ROR1: variants seen among roughly 807,000 people sequenced by gnomAD.
The protein encoded by ROR1 is inactive tyrosine-protein kinase transmembrane receptor ROR1.
ROR1 carries 19 observed loss-of-function variants against 78.8 expected under a neutral mutation model. The ratio of observed to expected loss-of-function variants is 0.24; its 90% confidence interval spans 0.17 to 0.35. The LOEUF (loss-of-function observed/expected upper bound fraction) is 0.35, where lower values mean the gene tolerates loss of function less well. ROR1 is among the 10% of genes least tolerant of loss of function. The probability of loss-of-function intolerance (pLI) is 1.00; values close to 1 mark genes in which losing one functional copy is unlikely to be tolerated. For missense variants in ROR1, 917 were observed against 1,177.8 expected, an observed-to-expected ratio of 0.78 and a Z score of 3.24; for synonymous variants, 386 against 433.6, an observed-to-expected ratio of 0.89 and a Z score of 1.36.
At chr1:64,160,058 G>C (rs1557679387) in intron 8 of ROR1, among the ~76,000 whole-genome samples, 4 of 150,844 alleles carry the variant, frequency 2.7e-5, no homozygotes, top group African/African-American at 9.7e-5. Context: ...CTAACAGCCT[G>C]TTTTTTTTTC....
chr1:63,966,978 G>T (rs923805716), intron 1 of ROR1, among the ~76,000 whole-genome samples: 1 of 152,156 alleles, frequency 6.6e-6, no homozygotes, highest in African/African-American at 2.4e-5. Context: ...GTTAGGTGCT[G>T]CCTCATCAGA....
At chr1:64,069,516 A>ATGTG (rs143372488) in intron 4 of ROR1, among the ~76,000 whole-genome samples, 3,892 of 150,400 alleles carry the variant, frequency 0.026, 138 homozygotes, top group African/African-American at 0.082. Context: ...CTTGGGTTAA[A>ATGTG]TGTGTGTGTG....
At chr1:64,067,444 C>CAAA (rs58105318) in intron 4 of ROR1, among the ~76,000 whole-genome samples, 10,341 of 57,248 alleles carry the variant, frequency 0.18, 1,304 homozygotes, top group Middle Eastern at 0.22. Context: ...GCCTCCGTCT[C>CAAA]AAAAAAAAAA....
At chr1:64,027,498 A>T (rs1376676075) in intron 2 of ROR1, among the ~76,000 whole-genome samples, 1 of 152,144 alleles carries the variant, frequency 6.6e-6, no homozygotes, top group Non-Finnish European at 1.5e-5. Context: ...TTTACCATTC[A>T]CTTGCATCTC....
intron 1 of ROR1, among the ~76,000 whole-genome samples, chr1:63,948,201 A>C (rs1423947741): frequency 6.6e-6 from 1 of 152,156 alleles, no homozygotes; most frequent in African/African-American, 2.4e-5. Context: ...AAACAATGAA[A>C]AGAAATTATC....
chr1:63,813,961 CT>C (rs1644875037), intron 1 of ROR1, among the ~76,000 whole-genome samples: 1 of 152,200 alleles, frequency 6.6e-6, no homozygotes, highest in South Asian at 2.1e-4. Flanking sequence ...ATTTTTTCCC[CT>C]ATCTGCTTCT....
intron 1 of ROR1, among the ~76,000 whole-genome samples, chr1:63,885,106 A>T (rs1462965616): frequency 6.6e-6 from 1 of 152,214 alleles, no homozygotes; most frequent in African/African-American, 2.4e-5. Flanking sequence ...TTAAAAGTGT[A>T]TTGGCATATA....
intron 1 of ROR1, chr1:63,789,125 C>T: frequency 1.6e-6 from 1 of 611,426 alleles, no homozygotes; most frequent in Non-Finnish European, 3.2e-6. Context: ...GGCATCGAGC[C>T]TGGGAATGGA....
intron 4 of ROR1, among the ~76,000 whole-genome samples, chr1:64,079,145 A>G (rs990235806): frequency 3.9e-5 from 6 of 152,202 alleles, no homozygotes; most frequent in African/African-American, 1.4e-4. Context: ...ACGAGGTCCA[A>G]CAAGTGGTCA....
intron 1 of ROR1, among the ~76,000 whole-genome samples, chr1:63,937,212 A>G (rs1414658184): frequency 6.6e-6 from 1 of 152,140 alleles, no homozygotes; most frequent in Non-Finnish European, 1.5e-5. Context: ...GTTTAGCACA[A>G]TGCTTTGCAC....
intron 4 of ROR1, 54 bp from the exon 5 acceptor site, chr1:64,137,315 G>A: frequency 6.2e-7 from 1 of 1,603,898 alleles, no homozygotes; most frequent in South Asian, 1.1e-5. Context: ...AGAGCTTGCT[G>A]TGCCCTGTAT....
chr1:63,997,695 G>T (rs1557601296), intron 1 of ROR1, among the ~76,000 whole-genome samples: 1 of 152,024 alleles, frequency 6.6e-6, no homozygotes, highest in Admixed American at 6.6e-5. Flanking sequence ...ACTCACCTAG[G>T]GAGATTCAAT....
At chr1:63,848,571 C>T (rs1569813006) in intron 1 of ROR1, among the ~76,000 whole-genome samples, 1 of 152,008 alleles carries the variant, frequency 6.6e-6, no homozygotes, top group Non-Finnish European at 1.5e-5. Flanking sequence ...ATAGTGGAGG[C>T]CTGTGGTACT....
chr1:63,914,076 T>TGTTTTC (rs1184135109), intron 1 of ROR1, among the ~76,000 whole-genome samples: 1 of 7,886 alleles, frequency 1.3e-4, no homozygotes, highest in Non-Finnish European at 1.2e-3. Flanking sequence ...GCCGCATTAG[T>TGTTTTC]GTTTTTGTTT....
At chr1:63,985,892 A>G (rs1268656233) in intron 1 of ROR1, among the ~76,000 whole-genome samples, 1 of 152,098 alleles carries the variant, frequency 6.6e-6, no homozygotes, top group East Asian at 1.9e-4. Flanking sequence ...AAAATCTAAA[A>G]CACTTCTAAT....
chr1:64,173,380 T>C (rs1287598342), intron 8 of ROR1, among the ~76,000 whole-genome samples: 1 of 152,198 alleles, frequency 6.6e-6, no homozygotes, highest in Admixed American at 6.5e-5. Context: ...CTTTCTTTCA[T>C]GTGTCTGAAC....
chr1:63,950,518 T>C (rs1645926628), intron 1 of ROR1, among the ~76,000 whole-genome samples: 1 of 152,200 alleles, frequency 6.6e-6, no homozygotes, highest in Non-Finnish European at 1.5e-5. Context: ...TTTGGCTGCC[T>C]TCTTTACTGC....
chr1:64,010,488 A>G (rs1646466817), intron 2 of ROR1, among the ~76,000 whole-genome samples: 2 of 152,086 alleles, frequency 1.3e-5, no homozygotes. Context: ...ATAGCCATAC[A>G]TATTTGTGTG....
intron 4 of ROR1, among the ~76,000 whole-genome samples, chr1:64,097,186 T>A (rs1015462108): frequency 3.3e-5 from 5 of 150,316 alleles, no homozygotes; most frequent in African/African-American, 1.2e-4. Context: ...AGAATCCATT[T>A]TTTTTTTGTC....
Sources: allele counts gnomAD v4.1 joint callset (sites outside exome capture counted in the v4.1 genomes callset), GRCh38; gene constraint gnomAD v4.1.1; transcripts MANE v1.5; gene names NCBI Gene and HGNC (gene_info 2026-07-23, HGNC 2026-07-21).